SOX5: variants seen among roughly 807,000 people sequenced by gnomAD.
SOX5 encodes transcription factor SOX-5.
Under a neutral mutation model 92.0 loss-of-function variants are expected in SOX5, and 9 were observed. The ratio of observed to expected loss-of-function variants is 0.10; its 90% CI spans 0.06 to 0.17. The LOEUF is 0.17. Among genes scored for constraint, SOX5 ranks in the 10% least tolerant of loss-of-function variants. SOX5 has a pLI of 1.00. For missense variants in SOX5, 642 were observed against 944.5 expected (o/e 0.68, Z 4.20); for synonymous variants, 344 against 336.3 (o/e 1.02, Z -0.25).
intron 1 of SOX5, among the ~76,000 whole-genome samples, chr12:24,493,812 G>A (rs1040943954): frequency 2.4e-4 from 36 of 151,812 alleles, no homozygotes; most frequent in African/African-American, 6.8e-4. Context: ...TGCCCTGAGC[G>A]GAGATTGCAC....
chr12:24,171,348 C>T (rs1247715177), intron 4 of SOX5, among the ~76,000 whole-genome samples: 1 of 151,376 alleles, frequency 6.6e-6, no homozygotes, highest in East Asian at 1.9e-4. Flanking sequence ...CTCAGCCTCC[C>T]GGGTAGCTGG....
chr12:24,306,605 A>G (rs965668470), intron 2 of SOX5, among the ~76,000 whole-genome samples: 1 of 152,178 alleles, frequency 6.6e-6, no homozygotes, highest in East Asian at 1.9e-4. Context: ...GCAAGGAGAA[A>G]GACAAAGAAT....
At chr12:23,984,716 G>A (rs1293499247) in intron 4 of SOX5, among the ~76,000 whole-genome samples, 1 of 152,118 alleles carries the variant, frequency 6.6e-6, no homozygotes, top group Non-Finnish European at 1.5e-5. Context: ...TCAAACTATA[G>A]GCCTTTTCAG....
At chr12:24,529,635 G>A (rs1742491017) in intron 1 of SOX5, among the ~76,000 whole-genome samples, 1 of 152,198 alleles carries the variant, frequency 6.6e-6, no homozygotes, top group African/African-American at 2.4e-5. Flanking sequence ...ACTGCAAGCT[G>A]TAGAAGAACC....
upstream of SOX5, among the ~76,000 whole-genome samples, chr12:23,950,657 T>G (rs1945466406): frequency 6.6e-6 from 1 of 152,220 alleles, no homozygotes; most frequent in African/African-American, 2.4e-5. Flanking sequence ...CCCCTGGCTG[T>G]GGATCTCTTT....
intron 3 of SOX5, among the ~76,000 whole-genome samples, chr12:23,771,564 A>G (rs933622500): frequency 1.1e-4 from 17 of 152,344 alleles, no homozygotes; most frequent in Non-Finnish European, 1.5e-4. Flanking sequence ...GCAAACTGCT[A>G]TAATAGCCCA....
rs147509238 is a variant in SOX5 at position 24,481,123 on chromosome 12, A to G, written c.-251+81206T>C. Among the ~76,000 whole-genome samples the G allele has an allele frequency of 1.7e-3, 263 of 152,324 alleles. 2 individuals carry two copies. Among genetic ancestry groups the G allele is most frequent in the African/African-American group, 6.2e-3 (256 of 41,574 alleles). ...TTTGCAACAACATGGATGGAACTGG[A>G]GGTCATTATGTTAAGTAAAATAAGC... On this transcript the variant is annotated intron_variant, in intron 1 of 4. Coordinates refer to the SOX5 transcript ENST00000446891.
At chr12:24,297,757 GA>G (rs1250401616) in intron 2 of SOX5, among the ~76,000 whole-genome samples, 2 of 152,162 alleles carry the variant, frequency 1.3e-5, no homozygotes, top group Non-Finnish European at 2.9e-5. Flanking sequence ...TTCTCCGAAG[GA>G]AAAGAATTGT....
intron 11 of SOX5, among the ~76,000 whole-genome samples, chr12:23,549,311 A>G (rs150686794): frequency 2.6e-3 from 401 of 152,100 alleles, no homozygotes; most frequent in Middle Eastern, 6.8e-3. Context: ...GATGGGCACA[A>G]GTGACAATTT....
intron 2 of SOX5, among the ~76,000 whole-genome samples, chr12:23,873,248 G>C (rs2096893428): frequency 6.6e-6 from 1 of 152,088 alleles, no homozygotes; most frequent in African/African-American, 2.4e-5. Flanking sequence ...CAGATTGCTT[G>C]AGCCTAGGAA....
Position 23,831,277 on chromosome 12 carries a change from C to G in SOX5, c.481+14706G>C, listed in dbSNP as rs112715548. Among the ~76,000 whole-genome samples, 498 of 151,928 alleles carry G rather than the reference C, an allele frequency of 3.3e-3. 2 individuals carry two copies. The highest frequency in any genetic ancestry group is 0.011 in the African/African-American group (453 of 41,480). Reference sequence around the variant, plus strand: ...ATGAAACAATAATGTTGATTTTTTTCAAGTTTTAAAAGGATAAATAATGAA... The same window carrying G: ...ATGAAACAATAATGTTGATTTTTTTGAAGTTTTAAAAGGATAAATAATGAA... On this transcript the variant is annotated intron_variant, in intron 3 of 14. Coordinates refer to ENST00000451604, the MANE Select transcript of SOX5 (RefSeq NM_006940.6).
chr12:23,610,011 G>A (rs1426989506), intron 8 of SOX5, among the ~76,000 whole-genome samples: 3 of 152,050 alleles, frequency 2.0e-5, no homozygotes, highest in Non-Finnish European at 4.4e-5. Context: ...AGGTCTGGCA[G>A]GATAACAGAT....
chr12:24,206,720 G>C (rs750124348), intron 4 of SOX5, among the ~76,000 whole-genome samples: 47 of 152,246 alleles, frequency 3.1e-4, no homozygotes, highest in Middle Eastern at 3.4e-3. Flanking sequence ...ATCAGCACCT[G>C]ATCTCTCCCC....
chr12:24,117,774 C>T lies in SOX5; in HGVS notation c.-2+95569G>A, dbSNP rs372055589. Reference sequence around the variant, plus strand: ...TGTGGAACCTAAAAAAGTCAATCTCCTTTGGGAGGCCGAGGTGGGCAGAGC... The same window carrying T: ...TGTGGAACCTAAAAAAGTCAATCTCTTTTGGGAGGCCGAGGTGGGCAGAGC... On this transcript the variant is annotated intron_variant, in intron 4 of 4. Transcript: ENST00000446891. Among the ~76,000 whole-genome samples, 72 of 152,140 alleles carry T rather than the reference C, an allele frequency of 4.7e-4. No individual in the cohort carries two copies. In the South Asian group the frequency reaches 0.015, roughly 31 times the overall value.
intron 4 of SOX5, among the ~76,000 whole-genome samples, chr12:24,003,594 A>G (rs1382176175): frequency 6.6e-6 from 1 of 152,102 alleles, no homozygotes; most frequent in Non-Finnish European, 1.5e-5. Context: ...AACTTTAACA[A>G]AAGTCGTACA....
chr12:24,227,494 T>C (rs1406242445), intron 3 of SOX5: 1 of 152,228 alleles, frequency 6.6e-6, no homozygotes, highest in Non-Finnish European at 1.5e-5. Context: ...TATTAAAGAA[T>C]GTGAAATAGG....
intron 3 of SOX5, among the ~76,000 whole-genome samples, chr12:23,797,563 G>T (rs2142079420): frequency 6.6e-6 from 1 of 152,064 alleles, no homozygotes; most frequent in East Asian, 1.9e-4. Context: ...GGTCCTAATG[G>T]ATCCCAGGAA....
intron 4 of SOX5, among the ~76,000 whole-genome samples, chr12:24,089,967 A>AT (rs1188419877): frequency 3.9e-5 from 6 of 152,102 alleles, no homozygotes; most frequent in East Asian, 1.9e-4. Context: ...GCATGTAGGT[A>AT]TTTTTTTCCT....
At chr12:24,096,867 T>C (rs916113676) in intron 4 of SOX5, among the ~76,000 whole-genome samples, 1 of 152,162 alleles carries the variant, frequency 6.6e-6, no homozygotes, top group Non-Finnish European at 1.5e-5. Flanking sequence ...TCTGTGTATG[T>C]TCATTTTTCT....
Sources: allele counts gnomAD v4.1 joint callset (sites outside exome capture counted in the v4.1 genomes callset), GRCh38; gene constraint gnomAD v4.1.1; transcripts MANE v1.5; gene names NCBI Gene and HGNC (gene_info 2026-07-23, HGNC 2026-07-21).